Variants in RANBP17 observed in about 807,000 individuals in gnomAD.
RANBP17 encodes the protein RAN binding protein 17.
Under a neutral mutation model 141.2 loss-of-function variants are expected in RANBP17, and 158 were observed. The ratio of observed to expected loss-of-function variants is 1.12; its 90% confidence interval spans 0.98 to 1.28. The LOEUF (loss-of-function observed/expected upper bound fraction) is 1.28. RANBP17 is among the 50% of genes most tolerant of loss of function. The pLI is 0.00. For missense variants in RANBP17, 1,438 were observed against 1,290.7 expected (o/e 1.11, Z -1.75); for synonymous variants, 430 against 450.0 (o/e 0.96, Z 0.56).
intron 12 of RANBP17, among the ~76,000 whole-genome samples, chr5:170,952,760 T>C (rs1775306596): frequency 6.6e-6 from 1 of 152,086 alleles, no homozygotes; most frequent in Non-Finnish European, 1.5e-5. Context: ...TAGCATAAAA[T>C]TTGTTTTTAG....
chr5:170,911,628 A>T (rs773196961), intron 7 of RANBP17, among the ~76,000 whole-genome samples: 87 of 151,894 alleles, frequency 5.7e-4, no homozygotes, highest in Admixed American at 4.2e-3. Context: ...GCAGATTTCA[A>T]CAGCTTGGAG....
At chr5:170,869,442 A>G (rs1301317538) in intron 1 of RANBP17, among the ~76,000 whole-genome samples, 4 of 150,978 alleles carry the variant, frequency 2.6e-5, no homozygotes, top group African/African-American at 9.7e-5. Flanking sequence ...GGCATGTGCC[A>G]CCGTGCCTTA....
intron 14 of RANBP17, among the ~76,000 whole-genome samples, chr5:171,140,152 A>G (rs572256487): frequency 6.6e-6 from 1 of 152,120 alleles, no homozygotes; most frequent in African/African-American, 2.4e-5. Context: ...CTCCCAGGCT[A>G]GGTTATGTTA....
chr5:170,862,051 G>C lies in RANBP17; in HGVS notation c.18G>C (p.Gln6His). The change falls in exon 1 of 28, where the codon CAG becomes CAC. Residue 6 changes from glutamine to histidine, a missense_variant and splice_region_variant. Gln to His is a conservative substitution (Grantham distance 24). Coordinates refer to ENST00000523189, the MANE Select transcript of RANBP17 (RefSeq NM_022897.5). ...CTGGGAAGATGGCGCTGCACTTCCA[G>C]GTCAGTGTGCTCTGCGCCGCGGGCC... MALHF[Q>H]SLAELEVLCT... The C allele has an allele frequency of 8.9e-6, 13 of 1,463,830 alleles. No homozygotes were observed. Among genetic ancestry groups the C allele is most frequent in the Non-Finnish European group, 1.2e-5 (13 of 1,114,966 alleles). 90.7% of individuals were successfully genotyped at this position (1,463,830 alleles called of 1,614,324 possible).
chr5:171,283,512 G>A (rs1198250511), intron 25 of RANBP17, among the ~76,000 whole-genome samples: 1 of 152,164 alleles, frequency 6.6e-6, no homozygotes, highest in Non-Finnish European at 1.5e-5. Flanking sequence ...TGTGCCATTA[G>A]ATAACTATAA....
intron 12 of RANBP17, among the ~76,000 whole-genome samples, chr5:170,946,574 A>G (rs1774779432): frequency 6.6e-6 from 1 of 152,150 alleles, no homozygotes; most frequent in African/African-American, 2.4e-5. Context: ...ATACCGAACC[A>G]TTGCTCCTGT....
At chr5:171,205,685 A>G (rs1199544599) in intron 20 of RANBP17, 73 bp downstream of exon 20, 1 of 1,111,232 alleles carries the variant, frequency 9.0e-7, no homozygotes, top group Non-Finnish European at 1.4e-6. Context: ...TTCGTTTAAT[A>G]GTATGGCACA....
intron 14 of RANBP17, among the ~76,000 whole-genome samples, chr5:171,168,833 T>C (rs911537483): frequency 2.0e-5 from 3 of 152,050 alleles, no homozygotes; most frequent in African/African-American, 7.2e-5. Context: ...TCTTCCTTTC[T>C]CTCTCTCTGT....
chr5:170,990,143 A>G (rs1193670673), intron 14 of RANBP17, among the ~76,000 whole-genome samples: 1 of 151,856 alleles, frequency 6.6e-6, no homozygotes, highest in Non-Finnish European at 1.5e-5. Flanking sequence ...TTTGCAATTT[A>G]TTGAATAAAA....
intron 14 of RANBP17, among the ~76,000 whole-genome samples, chr5:170,990,013 A>G (rs1011539536): frequency 6.6e-6 from 1 of 151,834 alleles, no homozygotes; most frequent in Non-Finnish European, 1.5e-5. Context: ...TACTTGTTAT[A>G]TACATTTGGG....
At chr5:170,997,555 G>C (rs1018291346) in intron 14 of RANBP17, among the ~76,000 whole-genome samples, 60 of 152,292 alleles carry the variant, frequency 3.9e-4, no homozygotes, top group Non-Finnish European at 2.9e-5. Flanking sequence ...CTCTCAGAAA[G>C]TCTTTCTAGC....
At chr5:170,900,506 A>G (rs905719526) in intron 5 of RANBP17, among the ~76,000 whole-genome samples, 7 of 151,342 alleles carry the variant, frequency 4.6e-5, no homozygotes, top group African/African-American at 9.7e-5. Flanking sequence ...TCGTGTCTCT[A>G]TCTCCTTCAG....
intron 14 of RANBP17, among the ~76,000 whole-genome samples, chr5:171,039,263 T>G (rs1782093437): frequency 7.9e-6 from 1 of 126,314 alleles, no homozygotes; most frequent in African/African-American, 2.7e-5. Flanking sequence ...TTTTTTTTTT[T>G]GCTTTTTAAT....
At chr5:171,044,940 T>C (rs1782474630) in intron 14 of RANBP17, among the ~76,000 whole-genome samples, 1 of 151,958 alleles carries the variant, frequency 6.6e-6, no homozygotes, top group African/African-American at 2.4e-5. Context: ...ATAAACACTA[T>C]TGTGTAACTA....
At chr5:171,075,479 T>C (rs1200845631) in intron 14 of RANBP17, among the ~76,000 whole-genome samples, 2 of 152,314 alleles carry the variant, frequency 1.3e-5, no homozygotes, top group South Asian at 2.1e-4. Context: ...TTATATGAAA[T>C]GTCCAGAGTA....
At chr5:170,974,847 G>A (rs1292076979) in intron 14 of RANBP17, among the ~76,000 whole-genome samples, 1 of 152,164 alleles carries the variant, frequency 6.6e-6, no homozygotes, top group Non-Finnish European at 1.5e-5. Flanking sequence ...AAGGAGCACT[G>A]CATGAGAATG....
At chr5:170,998,064 A>G (rs1426178091) in intron 14 of RANBP17, among the ~76,000 whole-genome samples, 1 of 151,776 alleles carries the variant, frequency 6.6e-6, no homozygotes, top group Non-Finnish European at 1.5e-5. Flanking sequence ...AGCCTGGCTA[A>G]CATGGAGAAA....
chr5:171,236,216 A>T (rs1764536052), intron 22 of RANBP17, among the ~76,000 whole-genome samples: 2 of 152,210 alleles, frequency 1.3e-5, no homozygotes, highest in Admixed American at 1.3e-4. Flanking sequence ...TTCAGCCTGT[A>T]CAGTTGTCAG....
chr5:170,879,516 A>G (rs1768484865), intron 2 of RANBP17, among the ~76,000 whole-genome samples: 1 of 152,166 alleles, frequency 6.6e-6, no homozygotes, highest in Non-Finnish European at 1.5e-5. Flanking sequence ...GCTGCCTGAC[A>G]TTACTTGCAT....
Sources: gnomAD v4.1 joint callset for allele counts (sites outside exome capture counted in the v4.1 genomes callset) on GRCh38, gnomAD v4.1.1 for gene constraint, MANE v1.5 for transcripts, NCBI Gene and HGNC (gene_info 2026-07-23, HGNC 2026-07-21) for gene names.